ACAD11: variants seen among roughly 807,000 people sequenced by gnomAD.
The protein encoded by ACAD11 is acyl-CoA dehydrogenase family member 11.
A neutral mutation model predicts 102.2 loss-of-function variants in ACAD11; 83 were observed. The observed-to-expected ratio is 0.81, with a 90% CI of 0.68 to 0.97. ACAD11 has a LOEUF of 0.97. ACAD11 is among the 50% of genes least tolerant of loss of function. The pLI is 0.00. For missense variants in ACAD11, 901 were observed against 951.7 expected, an observed-to-expected ratio of 0.95 and a Z score of 0.70; for synonymous variants, 324 against 319.8, an observed-to-expected ratio of 1.01 and a Z score of -0.14.
At chr3:132,610,550 G>A (rs11926081) in intron 11 of ACAD11, among the ~76,000 whole-genome samples, 46 of 152,108 alleles carry the variant, frequency 3.0e-4, no homozygotes, top group African/African-American at 1.1e-3. Context: ...TATCACCACC[G>A]ATCCCACAGA....
intron 5 of ACAD11, among the ~76,000 whole-genome samples, chr3:132,636,452 C>CA (rs1287037204): frequency 1.3e-4 from 20 of 151,960 alleles, no homozygotes; most frequent in African/African-American, 4.6e-4. Flanking sequence ...TCGAAACAAA[C>CA]AAAAAATACA....
intron 13 of ACAD11, among the ~76,000 whole-genome samples, chr3:132,583,614 C>T (rs910798300): frequency 1.1e-4 from 16 of 152,216 alleles, no homozygotes; most frequent in African/African-American, 3.9e-4. Context: ...TTTGCTCTTG[C>T]TTCTCTAGTT....
At chr3:132,596,865 A>AT (rs1466672184) in intron 13 of ACAD11, among the ~76,000 whole-genome samples, 4 of 152,228 alleles carry the variant, frequency 2.6e-5, no homozygotes, top group African/African-American at 7.2e-5. Flanking sequence ...TTAATCTTTG[A>AT]TAATTTAGTC....
chr3:132,607,573 G>C lies in ACAD11; in HGVS notation c.1415-2368C>G, dbSNP rs192371622. Among the ~76,000 whole-genome samples the C allele has an allele frequency of 1.3e-5, 2 of 152,194 alleles. 1 individual carries two copies. Among genetic ancestry groups the C allele is most frequent in the Admixed American group, 1.3e-4 (2 of 15,258 alleles). Reference sequence around the variant, plus strand: ...AATAAAGCATGAAGACAAGATTAGAGAAAAAAGAATGAAAAGGAATGAACA... The same window carrying C: ...AATAAAGCATGAAGACAAGATTAGACAAAAAAGAATGAAAAGGAATGAACA... On this transcript the variant is annotated intron_variant, in intron 11 of 19. Coordinates refer to ENST00000264990, the MANE Select transcript of ACAD11 (RefSeq NM_032169.5).
chr3:132,561,452 T>C (rs758488523), intron 17 of ACAD11: 18 of 485,734 alleles, frequency 3.7e-5, no homozygotes, highest in Non-Finnish European at 6.6e-5. Flanking sequence ...GAAATTTTAT[T>C]TTCCCAGAAA....
rs1301697407 is a variant in ACAD11 at position 132,577,052 on chromosome 3, T to C, written c.1775-37A>G. ...AAAATAAAATTTAGAGCAAAAGGAG[T>C]TGACTAAAAAAGAGTCACATATTCT... On this transcript the variant is annotated intron_variant, in intron 15 of 19. Coordinates refer to ENST00000264990, the MANE Select transcript of ACAD11 (RefSeq NM_032169.5). 7 of 1,300,180 alleles carry C rather than the reference T, an allele frequency of 5.4e-6. No individual in the cohort carries two copies. In the African/African-American group the frequency reaches 8.9e-5, roughly 17 times the overall value. 80.5% of individuals were successfully genotyped at this position (1,300,180 alleles called of 1,614,324 possible). A position where few individuals can be genotyped will look rare whatever the true frequency, so the allele number is the denominator to read the frequency against.
At chr3:132,604,993 C>A in intron 12 of ACAD11, 105 bp downstream of exon 12, 1 of 873,298 alleles carries the variant, frequency 1.1e-6, no homozygotes, top group South Asian at 2.2e-5. Context: ...TGGCCAATGG[C>A]AAATTTGACT....
At chr3:132,647,873 G>A (rs1276164894) in intron 1 of ACAD11, among the ~76,000 whole-genome samples, 1 of 152,168 alleles carries the variant, frequency 6.6e-6, no homozygotes, top group African/African-American at 2.4e-5. Context: ...AGTGTCTGGT[G>A]AGGACCCACT....
At chr3:132,582,235 T>C (rs1016345064) in intron 13 of ACAD11, among the ~76,000 whole-genome samples, 2 of 151,640 alleles carry the variant, frequency 1.3e-5, no homozygotes, top group African/African-American at 4.8e-5. Flanking sequence ...ATTATTCAAA[T>C]TGGAGAGCCA....
At chr3:132,559,429 T>C (rs1426418207) in intron 19 of ACAD11, among the ~76,000 whole-genome samples, 4 of 152,120 alleles carry the variant, frequency 2.6e-5, no homozygotes, top group African/African-American at 9.6e-5. Flanking sequence ...AGGATGAGAC[T>C]CTATCTCCAT....
chr3:132,564,646 A>C (rs1333160363), intron 17 of ACAD11, among the ~76,000 whole-genome samples: 1 of 152,192 alleles, frequency 6.6e-6, no homozygotes, highest in African/African-American at 2.4e-5. Context: ...TCTCCAATCC[A>C]TGTTTTCCCA....
At position 132,639,573 on chromosome 3, in the gene ACAD11, C is replaced by T. The variant is rs1234906401; in HGVS notation, c.621G>A (p.Lys207=). 1 of 1,613,964 alleles carries T rather than the reference C, an allele frequency of 6.2e-7. No individual in the cohort carries two copies. ...CTTCATTGTCATTATCGGGCAAGTTCTTCATTAGCCACTCCGATAGCTGTT... is the reference window on the plus strand; with the variant it reads ...CTTCATTGTCATTATCGGGCAAGTTTTTCATTAGCCACTCCGATAGCTGTT... ...AMQQLSEWLM[K]NLPDNDNEEN... Residue 207 remains lysine, a synonymous_variant, in exon 5 of 20, where the codon AAG becomes AAA. Coordinates refer to ENST00000264990, the MANE Select transcript of ACAD11 (RefSeq NM_032169.5).
intron 14 of ACAD11, 163 bp downstream of exon 14, chr3:132,579,329 C>A (rs1219137421): frequency 1.5e-6 from 1 of 665,272 alleles, no homozygotes; most frequent in Non-Finnish European, 2.5e-6. Context: ...TTTCCAAAAA[C>A]ACCTGTTAGA....
intron 1 of ACAD11, among the ~76,000 whole-genome samples, chr3:132,653,456 T>G (rs1303125282): frequency 6.6e-6 from 1 of 152,220 alleles, no homozygotes; most frequent in Non-Finnish European, 1.5e-5. Flanking sequence ...CCCCTTCTCT[T>G]GCATATTAGA....
At chr3:132,575,697 C>T (rs895727780) in intron 17 of ACAD11, 75 bp downstream of exon 17, 72 of 1,559,758 alleles carry the variant, frequency 4.6e-5, no homozygotes, top group Non-Finnish European at 5.3e-6. Context: ...GTCTGTCTCT[C>T]ACAAGTAATG....
chr3:132,607,755 A>C (rs1938912751), intron 11 of ACAD11, among the ~76,000 whole-genome samples: 2 of 152,166 alleles, frequency 1.3e-5, no homozygotes, highest in South Asian at 4.1e-4. Context: ...CCAACATTCA[A>C]ATTCAGGAAA....
In ACAD11 at chr3:132,603,219, G is replaced by A. The variant is rs1014743417; in HGVS notation, c.1621+10C>T. On this transcript the variant is annotated intron_variant, in intron 13 of 19. Transcript: ENST00000264990. The stretch of plus-strand genomic sequence containing the variant: ...GTGTGTTAGGTGAAAAAATTAGGCT[G>A]AACACTCACCACTGCTCCACCATTT... 2 of 1,611,424 alleles carry A rather than the reference G, an allele frequency of 1.2e-6. No individual in the cohort carries two copies. The highest frequency in any genetic ancestry group is 1.7e-6 in the Non-Finnish European group (2 of 1,177,794).
At chr3:132,600,288 CA>C (rs1285683477) in intron 13 of ACAD11, 2 of 988,616 alleles carry the variant, frequency 2.0e-6, no homozygotes, top group Non-Finnish European at 2.9e-6. Context: ...GTTACAGCAA[CA>C]GGCTATACTC....
At position 132,561,315 on chromosome 3, in the gene ACAD11, A is replaced by AAG. The variant is rs748204534; in HGVS notation, c.2002-100_2002-99dup. The AAG allele has an allele frequency of 8.3e-5, 72 of 866,572 alleles. No individual in the cohort carries two copies. The African/African-American group carries it at 9.6e-4, about 11-fold the overall frequency. 53.7% of individuals were successfully genotyped at this position (866,572 alleles called of 1,614,324 possible). ...TTATAGTTTGGTGAAAACACTCTCT[A>AAG]AGCCAGAGATTGTTCACAAGCTTTA... On this transcript the variant is annotated intron_variant, in intron 17 of 19. Coordinates refer to ENST00000264990, the MANE Select transcript of ACAD11 (RefSeq NM_032169.5).
Sources: gnomAD v4.1 joint callset for allele counts (sites outside exome capture counted in the v4.1 genomes callset) on GRCh38, gnomAD v4.1.1 for gene constraint, MANE v1.5 for transcripts, NCBI Gene and HGNC (gene_info 2026-07-23, HGNC 2026-07-21) for gene names.